Variants in SYNRG observed in about 807,000 individuals in gnomAD.
SYNRG encodes the protein synergin gamma.
A neutral mutation model predicts 130.9 loss-of-function variants in SYNRG; 37 were observed. That is an observed-to-expected ratio of 0.28 (90% confidence interval 0.22 to 0.37). SYNRG has a LOEUF of 0.37. SYNRG is among the 10% of genes least tolerant of loss of function. The pLI, the probability that SYNRG is intolerant of heterozygous loss-of-function variation, is 1.00. For missense variants in SYNRG, 1,338 were observed against 1,588.9 expected (o/e 0.84, Z 2.68); for synonymous variants, 539 against 568.1 (o/e 0.95, Z 0.73).
chr17:37,580,157 C>T (rs1354900126), intron 6 of SYNRG, among the ~76,000 whole-genome samples: 1 of 152,000 alleles, frequency 6.6e-6, no homozygotes, highest in Non-Finnish European at 1.5e-5. Context: ...GACTAAATTT[C>T]ATTATTTATT....
intron 2 of SYNRG, among the ~76,000 whole-genome samples, chr17:37,598,556 A>G (rs1295335489): frequency 1.3e-5 from 2 of 152,232 alleles, no homozygotes; most frequent in South Asian, 2.1e-4. Context: ...TGTACACAGT[A>G]AAAAATAGGT....
rs138000514 is a variant in SYNRG, at chr17:37,542,214, T to A, written c.2960A>T (p.Asp987Val). ...CGTAGGCAGGTCCTGTTTTGTGAAA[T>A]CTTTATAGTCTCTGTTTTCATATTC... is the stretch of plus-strand genomic sequence containing the variant. The part of the protein sequence containing the change: ...QKEYENRDYK[D>V]FTKQDLPTAE... Residue 987 changes from aspartate to valine, a missense_variant, in exon 15 of 22, where the codon GAT becomes GTT. Coordinates refer to ENST00000612223, the MANE Select transcript of SYNRG (RefSeq NM_007247.6). 2 of 1,614,222 alleles carry A rather than the reference T, an allele frequency of 1.2e-6. No homozygotes were observed. Among genetic ancestry groups the A allele is most frequent in the Admixed American group, 3.3e-5 (2 of 60,030 alleles).
intron 8 of SYNRG, among the ~76,000 whole-genome samples, chr17:37,575,815 C>A (rs1433396944): frequency 1.4e-5 from 2 of 147,354 alleles, no homozygotes; most frequent in African/African-American, 5.0e-5. Context: ...TGAACTCCAG[C>A]CTGGGTGACA....
chr17:37,547,788 C>T (rs1444564655), intron 14 of SYNRG, among the ~76,000 whole-genome samples: 1 of 152,150 alleles, frequency 6.6e-6, no homozygotes, highest in Admixed American at 6.6e-5. Flanking sequence ...TAAAAATCAG[C>T]AGGGATTCTG....
In SYNRG at chr17:37,571,879, T is replaced by C. The variant is rs2060461162; in HGVS notation, c.1010A>G (p.Gln337Arg). 2 of 1,614,096 alleles carry C rather than the reference T, an allele frequency of 1.2e-6. No homozygotes were observed. The highest frequency in any genetic ancestry group is 1.7e-6 in the Non-Finnish European group (2 of 1,179,996). ...AGTTCGATTAGCTAAGGCCCATATCTGTCCAAGAGTTTCCCTGGGAAGCCC... is the reference window on the plus strand; with the variant it reads ...AGTTCGATTAGCTAAGGCCCATATCCGTCCAAGAGTTTCCCTGGGAAGCCC... ...SSGLPRETLG[Q>R]IWALANRTTP... The change falls in exon 9 of 22, where the codon CAG becomes CGG. Residue 337 changes from glutamine (Q) to arginine (R), a missense_variant. Gln to Arg is a conservative substitution (Grantham distance 43, BLOSUM62 1). Coordinates refer to ENST00000612223, the MANE Select transcript of SYNRG (RefSeq NM_007247.6).
intron 1 of SYNRG, among the ~76,000 whole-genome samples, chr17:37,601,709 G>C (rs1221607759): frequency 6.6e-6 from 1 of 152,102 alleles, no homozygotes; most frequent in Middle Eastern, 3.4e-3. Context: ...TTGTCGTCCA[G>C]GTTGGAGTGT....
At chr17:37,531,897 T>C (rs2056668832) in intron 19 of SYNRG, among the ~76,000 whole-genome samples, 1 of 152,230 alleles carries the variant, frequency 6.6e-6, no homozygotes, top group Non-Finnish European at 1.5e-5. Flanking sequence ...TTCGTGCTCC[T>C]TTACAAAATG....
chr17:37,557,258 C>G (rs2059188486), intron 13 of SYNRG: 1 of 152,168 alleles, frequency 6.6e-6, no homozygotes, highest in South Asian at 2.1e-4. Flanking sequence ...TCCTCATTTA[C>G]TTTAATTTAT....
chr17:37,581,770 T>G (rs1477533621), intron 6 of SYNRG, among the ~76,000 whole-genome samples: 1 of 149,156 alleles, frequency 6.7e-6, no homozygotes, highest in East Asian at 2.0e-4. Flanking sequence ...TTTTTCTTTT[T>G]TTTTTTTTTT....
At chr17:37,557,941 C>T (rs2059241782) in intron 13 of SYNRG, among the ~76,000 whole-genome samples, 1 of 152,132 alleles carries the variant, frequency 6.6e-6, no homozygotes, top group Non-Finnish European at 1.5e-5. Flanking sequence ...TACGGGAATA[C>T]ACATTATGGT....
chr17:37,585,869 G>C (rs1648506946), intron 4 of SYNRG, among the ~76,000 whole-genome samples: 1 of 152,076 alleles, frequency 6.6e-6, no homozygotes, highest in African/African-American at 2.4e-5. Flanking sequence ...TGTGTAACCT[G>C]GACTGACAAG....
intron 11 of SYNRG, among the ~76,000 whole-genome samples, chr17:37,565,012 C>G (rs903864981): frequency 6.6e-6 from 1 of 152,212 alleles, no homozygotes; most frequent in Admixed American, 6.5e-5. Context: ...GCCTGTAATT[C>G]TGGCACTTTG....
chr17:37,570,571 C>G, intron 10 of SYNRG, 66 bp downstream of exon 10: 1 of 1,538,836 alleles, frequency 6.5e-7, no homozygotes. Flanking sequence ...TATGTATCCC[C>G]GGAAAAAATG....
chr17:37,582,286 T>C (rs893903866), intron 6 of SYNRG, among the ~76,000 whole-genome samples: 1 of 152,158 alleles, frequency 6.6e-6, no homozygotes, highest in Non-Finnish European at 1.5e-5. Context: ...ATGCAAAATA[T>C]GCAAAATTAT....
Position 37,604,613 on chromosome 17 carries a change from G to C in SYNRG, c.78-4210C>G, listed in dbSNP as rs116399069. Among the ~76,000 whole-genome samples, 766 of 152,270 alleles carry C rather than the reference G, an allele frequency of 5.0e-3. 9 individuals carry two copies. The highest frequency in any genetic ancestry group is 0.018 in the African/African-American group (734 of 41,546). ...TACTTTCTTAACATTTGTGTTTCCT[G>C]GAATAGGACTTTTAATTTCCTTCAA... On this transcript the variant is annotated intron_variant, in intron 1 of 21. Transcript: ENST00000612223.
At chr17:37,531,012 G>A (rs190097568) in intron 19 of SYNRG, among the ~76,000 whole-genome samples, 9 of 152,314 alleles carry the variant, frequency 5.9e-5, no homozygotes, top group African/African-American at 1.9e-4. Context: ...CCTTTGGGAG[G>A]TTGAGGTAAG....
chr17:37,533,931 T>TC (rs2056926558), intron 19 of SYNRG, among the ~76,000 whole-genome samples: 1 of 115,026 alleles, frequency 8.7e-6, no homozygotes, highest in African/African-American at 3.4e-5. Context: ...CTTTTCTTTT[T>TC]TTTTTTTTTT....
At chr17:37,576,121 A>T (rs1174982095) in intron 8 of SYNRG, among the ~76,000 whole-genome samples, 1 of 152,182 alleles carries the variant, frequency 6.6e-6, no homozygotes, top group Non-Finnish European at 1.5e-5. Flanking sequence ...ATAAAACATT[A>T]AAACAAAACT....
intron 8 of SYNRG, among the ~76,000 whole-genome samples, chr17:37,575,189 G>A (rs1231135081): frequency 1.3e-5 from 2 of 152,054 alleles, no homozygotes; most frequent in Non-Finnish European, 2.9e-5. Flanking sequence ...GGGATGGTTA[G>A]TGGGCATAAA....
Sources: allele counts gnomAD v4.1 joint callset (sites outside exome capture counted in the v4.1 genomes callset), GRCh38; gene constraint gnomAD v4.1.1; transcripts MANE v1.5; gene names NCBI Gene and HGNC (gene_info 2026-07-23, HGNC 2026-07-21).